CDH12: variants seen among roughly 807,000 people sequenced by gnomAD.
CDH12 encodes the protein cadherin-12.
In CDH12, 41 loss-of-function variants were observed where a neutral mutation model predicts 74.1. That is an observed-to-expected ratio of 0.55 (90% confidence interval 0.43 to 0.72). The LOEUF is 0.72. CDH12 is among the 30% of genes least tolerant of loss of function. The pLI is 0.00. For synonymous variants in CDH12, 399 were observed against 355.0 expected (o/e 1.12, Z -1.39); for missense variants, 945 against 977.2 (o/e 0.97, Z 0.44).
chr5:22,573,857 C>T (rs1739652561), intron 1 of CDH12, among the ~76,000 whole-genome samples: 2 of 151,956 alleles, frequency 1.3e-5, no homozygotes, highest in South Asian at 2.1e-4. Context: ...GACTATAAGA[C>T]ACACAGTATG....
intron 1 of CDH12, among the ~76,000 whole-genome samples, chr5:22,640,515 G>C (rs1251675264): frequency 6.6e-6 from 1 of 152,040 alleles, no homozygotes; most frequent in East Asian, 1.9e-4. Flanking sequence ...ATTTGATCAT[G>C]ATATCTACAT....
chr5:22,578,390 G>T (rs199913182), intron 1 of CDH12, among the ~76,000 whole-genome samples: 3 of 147,396 alleles, frequency 2.0e-5, no homozygotes, highest in Admixed American at 6.9e-5. Context: ...TGTGTGTGGG[G>T]GGGGGGTGTT....
chr5:22,435,113 G>A (rs998685565), intron 2 of CDH12, among the ~76,000 whole-genome samples: 61 of 152,048 alleles, frequency 4.0e-4, no homozygotes, highest in African/African-American at 1.4e-3. Flanking sequence ...TTGAGTCAGC[G>A]GCTGGGAAAG....
At chr5:21,890,458 A>G (rs186311737) in intron 6 of CDH12, among the ~76,000 whole-genome samples, 216 of 152,272 alleles carry the variant, frequency 1.4e-3, no homozygotes, top group Non-Finnish European at 2.5e-3. Context: ...GAGTGAAAAG[A>G]ACTATACAGC....
At chr5:22,456,458 T>A (rs1195867675) in intron 2 of CDH12, among the ~76,000 whole-genome samples, 1 of 152,128 alleles carries the variant, frequency 6.6e-6, no homozygotes, top group African/African-American at 2.4e-5. Context: ...ATTAAACACA[T>A]ATTTAACAGT....
chr5:22,533,016 T>C (rs972639944), intron 1 of CDH12, among the ~76,000 whole-genome samples: 7 of 152,094 alleles, frequency 4.6e-5, no homozygotes, highest in African/African-American at 1.7e-4. Flanking sequence ...AAGAGGTATA[T>C]CCTGAAAATT....
At chr5:22,441,137 C>G (rs1245457428) in intron 2 of CDH12, among the ~76,000 whole-genome samples, 2 of 152,140 alleles carry the variant, frequency 1.3e-5, no homozygotes, top group Non-Finnish European at 2.9e-5. Context: ...CTGCTACCTG[C>G]TCTAAAATAT....
intron 6 of CDH12, among the ~76,000 whole-genome samples, chr5:21,945,391 A>C (rs1459604721): frequency 7.5e-6 from 1 of 132,736 alleles, no homozygotes; most frequent in Non-Finnish European, 1.5e-5. Context: ...ATACCGCTGC[A>C]CTCCAGCCTG....
At chr5:22,169,755 C>T (rs1244263814) in intron 4 of CDH12, among the ~76,000 whole-genome samples, 2 of 151,906 alleles carry the variant, frequency 1.3e-5, no homozygotes, top group Non-Finnish European at 2.9e-5. Context: ...ATTGTATTCT[C>T]TGTGTCACAT....
At chr5:22,583,687 A>G (rs1740222630) in intron 1 of CDH12, among the ~76,000 whole-genome samples, 2 of 152,214 alleles carry the variant, frequency 1.3e-5, no homozygotes, top group Non-Finnish European at 2.9e-5. Context: ...TTGAAAGGAG[A>G]ATAAAAGTCA....
intron 6 of CDH12, among the ~76,000 whole-genome samples, chr5:21,872,894 C>CATCTGTCTATCTATCT (rs1554039682): frequency 6.8e-6 from 1 of 146,750 alleles, no homozygotes; most frequent in Non-Finnish European, 1.5e-5. Context: ...ACCTATCATC[C>CATCTGTCTATCTATCT]ATCTATCTAT....
intron 2 of CDH12, among the ~76,000 whole-genome samples, chr5:22,459,084 C>G (rs980949756): frequency 2.0e-5 from 3 of 152,014 alleles, no homozygotes; most frequent in Non-Finnish European, 4.4e-5. Context: ...TCCAACTGTT[C>G]CAGGTGTCTC....
chr5:22,743,619 G>T (rs925663815), intron 1 of CDH12, among the ~76,000 whole-genome samples: 2 of 151,986 alleles, frequency 1.3e-5, no homozygotes, highest in African/African-American at 4.8e-5. Flanking sequence ...ATGTTTTACT[G>T]ATCATTTTAC....
rs113433635 is a variant in CDH12, at chr5:22,728,277, C to T, written c.-523+124781G>A. On this transcript the variant is annotated intron_variant, in intron 1 of 14. Coordinates refer to ENST00000382254, the MANE Select transcript of CDH12 (RefSeq NM_004061.5). ...ATTCTGACATGTAACTTTTGATTTT[C>T]TGAATCACTGCCAAAATTTTTAATC... is the stretch of plus-strand genomic sequence containing the variant. 9.4e-4 allele frequency among the ~76,000 whole-genome samples: 142 copies of T among 151,698 alleles called. 1 individual carries two copies. The highest frequency in any genetic ancestry group is 3.2e-3 in the African/African-American group (134 of 41,422).
chr5:22,460,862 A>C (rs1745482117), intron 2 of CDH12, among the ~76,000 whole-genome samples: 1 of 149,530 alleles, frequency 6.7e-6, no homozygotes, highest in Admixed American at 6.7e-5. Flanking sequence ...CTGGGATTAC[A>C]GGCGCCTGCC....
At chr5:22,330,481 G>A (rs2150445049) in intron 3 of CDH12, among the ~76,000 whole-genome samples, 1 of 152,180 alleles carries the variant, frequency 6.6e-6, no homozygotes, top group South Asian at 2.1e-4. Context: ...GGCCAAGCGT[G>A]GTGGCTCACA....
intron 1 of CDH12, among the ~76,000 whole-genome samples, chr5:22,786,447 T>C (rs952340758): frequency 2.6e-5 from 4 of 152,214 alleles, no homozygotes; most frequent in African/African-American, 9.6e-5. Context: ...TTTCACAAGC[T>C]GGGCTGCTGA....
intron 10 of CDH12, among the ~76,000 whole-genome samples, chr5:21,790,322 C>T (rs934306000): frequency 4.6e-5 from 7 of 151,926 alleles, no homozygotes; most frequent in South Asian, 4.2e-4. Context: ...TCAAATAATA[C>T]GTTTATCTCT....
rs189862258 is a variant in CDH12 at position 22,654,315 on chromosome 5, G to A, written c.-522-148951C>T. ...TCTTTCTTCTTTCCTTTTTGACAGA[G>A]TCTCGCTCTTGTCACCCAGGCTGGA... is the stretch of plus-strand genomic sequence containing the variant. On this transcript the variant is annotated intron_variant, in intron 1 of 14. Coordinates refer to ENST00000382254, the MANE Select transcript of CDH12 (RefSeq NM_004061.5). Among the ~76,000 whole-genome samples the A allele has an allele frequency of 2.0e-5, 3 of 148,594 alleles. No individual in the cohort carries two copies. The Admixed American group carries it at 2.0e-4, about 10-fold the overall frequency.
Sources: allele counts gnomAD v4.1 joint callset (sites outside exome capture counted in the v4.1 genomes callset), GRCh38; gene constraint gnomAD v4.1.1; transcripts MANE v1.5; gene names NCBI Gene and HGNC (gene_info 2026-07-23, HGNC 2026-07-21).